Variants in ACSL3 observed in about 807,000 individuals in gnomAD.
ACSL3 encodes fatty acid CoA ligase Acsl3.
ACSL3 carries 34 observed loss-of-function variants against 84.7 expected under a neutral mutation model. The observed-to-expected ratio is 0.40, with a 90% CI of 0.31 to 0.53. The LOEUF (loss-of-function observed/expected upper bound fraction) is 0.53, where lower values mean the gene tolerates loss of function less well. ACSL3 is among the 20% of genes least tolerant of loss of function. The pLI is 0.48. For synonymous variants in ACSL3, 315 were observed against 299.4 expected, an observed-to-expected ratio of 1.05 and a Z score of -0.54; for missense variants, 680 against 873.1, an observed-to-expected ratio of 0.78 and a Z score of 2.79.
intron 1 of ACSL3, among the ~76,000 whole-genome samples, chr2:222,884,225 A>G (rs1418001559): frequency 6.6e-6 from 1 of 152,208 alleles, no homozygotes; most frequent in East Asian, 1.9e-4. Flanking sequence ...AATATTATGA[A>G]ACAGATCCGA....
chr2:222,886,701 G>A (rs964728436), intron 1 of ACSL3, among the ~76,000 whole-genome samples: 2 of 152,054 alleles, frequency 1.3e-5, no homozygotes, highest in Non-Finnish European at 2.9e-5. Context: ...GTAAATGAAC[G>A]CAGCCTTTAT....
intron 4 of ACSL3, among the ~76,000 whole-genome samples, chr2:222,911,566 GCTTCGTTTTT>G (rs1215713740): frequency 4.6e-5 from 7 of 152,122 alleles, no homozygotes; most frequent in African/African-American, 1.7e-4. Flanking sequence ...GTTTCAGGAA[GCTTCGTTTTT>G]CTCCGGTATC....
At chr2:222,929,082 T>C (rs1240353585) in intron 13 of ACSL3, 146 bp downstream of exon 13, 1 of 592,810 alleles carries the variant, frequency 1.7e-6, no homozygotes, top group African/African-American at 1.9e-5. Context: ...TCGAACTATA[T>C]GAATGCATTT....
At chr2:222,925,615 CAAAA>C (rs893215980) in intron 11 of ACSL3, among the ~76,000 whole-genome samples, 3 of 152,018 alleles carry the variant, frequency 2.0e-5, no homozygotes, top group African/African-American at 7.2e-5. Context: ...GACAAGCAAA[CAAAA>C]AACCTTTGTA....
intron 11 of ACSL3, among the ~76,000 whole-genome samples, chr2:222,926,740 G>A (rs1227803518): frequency 1.3e-5 from 2 of 152,108 alleles, no homozygotes; most frequent in Non-Finnish European, 2.9e-5. Context: ...GTGGCCATAA[G>A]CAAGGGTTTT....
intron 4 of ACSL3, among the ~76,000 whole-genome samples, chr2:222,911,570 C>T (rs1428713451): frequency 2.0e-5 from 3 of 152,124 alleles, no homozygotes; most frequent in East Asian, 1.9e-4. Flanking sequence ...CAGGAAGCTT[C>T]GTTTTTCTCC....
intron 4 of ACSL3, among the ~76,000 whole-genome samples, chr2:222,913,804 A>G (rs1173993251): frequency 2.0e-5 from 3 of 152,202 alleles, no homozygotes; most frequent in African/African-American, 7.2e-5. Context: ...GATTTTGAAC[A>G]AGTTATATTT....
chr2:222,883,730 AT>A (rs1695651577), intron 1 of ACSL3, among the ~76,000 whole-genome samples: 1 of 151,874 alleles, frequency 6.6e-6, no homozygotes, highest in African/African-American at 2.4e-5. Flanking sequence ...ACTCCTTGTA[AT>A]GGAACTTGAA....
intron 5 of ACSL3, 79 bp from the exon 6 acceptor site, chr2:222,917,964 TATG>T: frequency 9.9e-7 from 1 of 1,014,722 alleles, no homozygotes; most frequent in South Asian, 1.4e-5. Flanking sequence ...AATGCGTTAT[TATG>T]ATTCATCTCC....
chr2:222,883,955 A>G (rs954234374), intron 1 of ACSL3, among the ~76,000 whole-genome samples: 1 of 152,070 alleles, frequency 6.6e-6, no homozygotes, highest in Non-Finnish European at 1.5e-5. Context: ...TTCTTGTTTC[A>G]TAGATGGCAA....
At position 222,936,608 on chromosome 2, in the gene ACSL3, T is replaced by TCC. The variant is rs55915039; in HGVS notation, c.2005+1928_2005+1929dup. 8.0e-3 allele frequency among the ~76,000 whole-genome samples: 1,048 copies of TCC among 131,214 alleles called. 13 individuals carry two copies. The highest frequency in any genetic ancestry group is 0.021 in the African/African-American group (703 of 34,208). 86.1% of individuals were successfully genotyped at this position (131,214 alleles called of 152,430 possible). A position where few individuals can be genotyped will look rare whatever the true frequency, so the allele number is the denominator to read the frequency against. On this transcript the variant is annotated intron_variant, in intron 16 of 16. Transcript: ENST00000357430. Reference sequence around the variant, plus strand: ...ATTTTAAAATCAGAATTCTGCACCCTCCCCCCCCACCCCACCCCCGTAGTT... The same window carrying TCC: ...ATTTTAAAATCAGAATTCTGCACCCTCCCCCCCCCCACCCCACCCCCGTAGTT...
At chr2:222,861,822 G>C (rs1438991502) in intron 1 of ACSL3, 1 of 152,314 alleles carries the variant, frequency 6.6e-6, no homozygotes, top group Non-Finnish European at 1.5e-5. Context: ...CTGTCGTTTG[G>C]GGTTTGAGAG....
chr2:222,920,025 G>A (rs1395398676), intron 7 of ACSL3, among the ~76,000 whole-genome samples: 2 of 152,164 alleles, frequency 1.3e-5, no homozygotes, highest in Admixed American at 6.5e-5. Context: ...AGAGAGGAAA[G>A]AAGAAAATAT....
chr2:222,881,580 G>A (rs1695592543), intron 1 of ACSL3, among the ~76,000 whole-genome samples: 1 of 152,162 alleles, frequency 6.6e-6, no homozygotes, highest in Non-Finnish European at 1.5e-5. Context: ...GCAATGGTGC[G>A]ATCTTGGTTT....
At chr2:222,934,761 A>G in intron 16 of ACSL3, 74 bp downstream of exon 16, 1 of 1,500,216 alleles carries the variant, frequency 6.7e-7, no homozygotes, top group Non-Finnish European at 9.0e-7. Context: ...ACCTGTTTTA[A>G]GGTTTAGGGT....
At chr2:222,912,778 C>T (rs1016273136) in intron 4 of ACSL3, among the ~76,000 whole-genome samples, 7 of 152,162 alleles carry the variant, frequency 4.6e-5, no homozygotes, top group African/African-American at 1.2e-4. Context: ...AGCTTCACTA[C>T]GACCAGATTC....
At chr2:222,861,926 G>T (rs918212975) in intron 1 of ACSL3, among the ~76,000 whole-genome samples, 3 of 152,154 alleles carry the variant, frequency 2.0e-5, no homozygotes, top group African/African-American at 7.2e-5. Context: ...GTCCTGTGGG[G>T]TAGGTGTTAT....
intron 2 of ACSL3, among the ~76,000 whole-genome samples, chr2:222,888,101 C>CT (rs1695765344): frequency 6.6e-6 from 1 of 152,048 alleles, no homozygotes; most frequent in Non-Finnish European, 1.5e-5. Context: ...TCTTCCTTTC[C>CT]TTAACTTGAA....
chr2:222,871,126 G>A (rs1219443395), intron 1 of ACSL3, among the ~76,000 whole-genome samples: 7 of 152,244 alleles, frequency 4.6e-5, no homozygotes, highest in East Asian at 3.9e-4. Flanking sequence ...CAGAACCATC[G>A]GGACTTGGCA....
Sources: gnomAD v4.1 joint callset for allele counts (sites outside exome capture counted in the v4.1 genomes callset) on GRCh38, gnomAD v4.1.1 for gene constraint, MANE v1.5 for transcripts, NCBI Gene and HGNC (gene_info 2026-07-23, HGNC 2026-07-21) for gene names.